The following INO80D variants were observed in gnomAD, a reference collection of about 807,000 sequenced individuals.
INO80D encodes the protein INO80 complex subunit D.
Under a neutral mutation model 87.6 loss-of-function variants are expected in INO80D, and 21 were observed. The ratio of observed to expected loss-of-function variants is 0.24; its 90% confidence interval spans 0.17 to 0.35. The LOEUF (loss-of-function observed/expected upper bound fraction) is 0.35, where lower values mean the gene tolerates loss of function less well. Among genes scored for constraint, INO80D ranks in the 10% least tolerant of loss-of-function variants. The pLI is 1.00. For synonymous variants in INO80D, 440 were observed against 491.0 expected (o/e 0.90, Z 1.37); for missense variants, 982 against 1,280.7 (o/e 0.77, Z 3.56).
At chr2:206,074,171 G>A (rs543782012) in intron 1 of INO80D, among the ~76,000 whole-genome samples, 20 of 152,238 alleles carry the variant, frequency 1.3e-4, no homozygotes, top group African/African-American at 4.8e-4. Context: ...GAGAATGCAG[G>A]TAATTAAAGC....
intron 1 of INO80D, chr2:206,063,687 G>A (rs1037435621): frequency 6.6e-6 from 1 of 152,116 alleles, no homozygotes; most frequent in African/African-American, 2.4e-5. Flanking sequence ...GTGAAGATCT[G>A]TCTCAAAAAC....
At chr2:206,082,605 C>T (rs1485638183) in intron 1 of INO80D, among the ~76,000 whole-genome samples, 1 of 152,182 alleles carries the variant, frequency 6.6e-6, no homozygotes, top group Non-Finnish European at 1.5e-5. Flanking sequence ...GGACAATTTG[C>T]TGCCTCCAAC....
intron 6 of INO80D, among the ~76,000 whole-genome samples, chr2:206,027,175 CACAG>C (rs755018444): frequency 5.9e-5 from 9 of 151,922 alleles, no homozygotes; most frequent in Non-Finnish European, 1.0e-4. Flanking sequence ...CACACACACA[CACAG>C]AGAAAGACTA....
rs546877484 is a variant in INO80D at position 206,044,086 on chromosome 2, G to T, written c.1073+2418C>A. Among the ~76,000 whole-genome samples, 76 of 152,146 alleles carry T rather than the reference G, an allele frequency of 5.0e-4. 1 individual carries two copies. The highest frequency in any genetic ancestry group is 1.6e-3 in the African/African-American group (67 of 41,524). ...TGCACACCTGTAGTTCCAGCTACTC[G>T]GGAGGCTGTGGCAGGAGGATTGTTT... On this transcript the variant is annotated intron_variant, in intron 5 of 10. Transcript: ENST00000403263.
At chr2:206,084,618 GA>G (rs1472453099) in intron 1 of INO80D, 1 of 152,356 alleles carries the variant, frequency 6.6e-6, no homozygotes, top group Non-Finnish European at 1.5e-5. Flanking sequence ...TACATCTGGG[GA>G]CTGCTCCAGA....
chr2:206,042,870 GC>G (rs1029878529), intron 5 of INO80D, among the ~76,000 whole-genome samples: 1 of 152,094 alleles, frequency 6.6e-6, no homozygotes, highest in African/African-American at 2.4e-5. Flanking sequence ...TACTCAGGAG[GC>G]TGAGGCAGGA....
At chr2:206,065,085 T>C (rs758833526) in intron 1 of INO80D, among the ~76,000 whole-genome samples, 5 of 152,050 alleles carry the variant, frequency 3.3e-5, no homozygotes, top group Non-Finnish European at 7.4e-5. Flanking sequence ...TTAAAATGGA[T>C]CAAAGACCTA....
intron 6 of INO80D, among the ~76,000 whole-genome samples, chr2:206,021,180 T>G (rs1688454034): frequency 6.6e-6 from 1 of 152,122 alleles, no homozygotes; most frequent in African/African-American, 2.4e-5. Context: ...AAACAAAAAA[T>G]CTTTTGAGTT....
At chr2:206,083,009 T>C (rs907188145) in intron 1 of INO80D, among the ~76,000 whole-genome samples, 3 of 152,220 alleles carry the variant, frequency 2.0e-5, no homozygotes, top group African/African-American at 7.2e-5. Flanking sequence ...ATACTAACCA[T>C]TTACTTTTTA....
intron 5 of INO80D, among the ~76,000 whole-genome samples, chr2:206,034,132 G>A (rs1421801134): frequency 3.3e-5 from 5 of 152,210 alleles, no homozygotes; most frequent in African/African-American, 1.2e-4. Flanking sequence ...AATCAGTCCA[G>A]GATCAGACTT....
At chr2:206,050,937 A>C (rs1292648428) in intron 4 of INO80D, among the ~76,000 whole-genome samples, 8 of 151,348 alleles carry the variant, frequency 5.3e-5, no homozygotes, top group Admixed American at 3.3e-4. Context: ...CCACTGCACT[A>C]CAGCCCGGGT....
intron 6 of INO80D, among the ~76,000 whole-genome samples, chr2:206,026,119 G>A (rs752337305): frequency 3.3e-5 from 5 of 151,964 alleles, no homozygotes; most frequent in Non-Finnish European, 5.9e-5. Context: ...GGCTAATCTC[G>A]AATTCGTGAC....
At chr2:206,009,321 GTTTT>G (rs1410981883) in intron 9 of INO80D, among the ~76,000 whole-genome samples, 1 of 148,884 alleles carries the variant, frequency 6.7e-6, no homozygotes, top group Non-Finnish European at 1.5e-5. Flanking sequence ...AAAAAAAAAT[GTTTT>G]TTAAGTTGAG....
chr2:206,044,034 A>G (rs1689129368), intron 5 of INO80D, among the ~76,000 whole-genome samples: 1 of 152,000 alleles, frequency 6.6e-6, no homozygotes, highest in Non-Finnish European at 1.5e-5. Flanking sequence ...CTCTACAAAA[A>G]ACTTAAAAAT....
chr2:206,068,524 G>A (rs1689879094), intron 1 of INO80D, among the ~76,000 whole-genome samples: 1 of 152,046 alleles, frequency 6.6e-6, no homozygotes, highest in Admixed American at 6.6e-5. Context: ...TTTACATACT[G>A]TCCATGCCTA....
intron 3 of INO80D, among the ~76,000 whole-genome samples, chr2:206,059,485 A>T (rs1689626761): frequency 6.6e-6 from 1 of 152,224 alleles, no homozygotes; most frequent in Non-Finnish European, 1.5e-5. Context: ...GAGGTAAAAA[A>T]TGTCAATCCT....
At chr2:206,021,278 T>A (rs1285967085) in intron 6 of INO80D, among the ~76,000 whole-genome samples, 1 of 152,198 alleles carries the variant, frequency 6.6e-6, no homozygotes, top group African/African-American at 2.4e-5. Flanking sequence ...TACATATGAA[T>A]TTACACAAAA....
chr2:206,046,581 T>G lies in INO80D; in HGVS notation c.996A>C (p.Glu332Asp). ...GLDWSEESGEEPEDSEQASPY... is the reference protein window; with the variant it reads ...GLDWSEESGEDPEDSEQASPY... ...GCGAGGCCTGCTCTGAGTCCTCTGG[T>G]TCCTCTCCGCTCTCTTCAGACCAGT... Residue 332 changes from glutamate (E) to aspartate (D), a missense_variant, in exon 5 of 11, where the codon GAA (glutamate) becomes GAC (aspartate). Coordinates refer to ENST00000403263, the MANE Select transcript of INO80D (RefSeq NM_017759.5). 11 of 1,613,894 alleles carry G rather than the reference T, an allele frequency of 6.8e-6. No homozygotes were observed. Among genetic ancestry groups the G allele is most frequent in the Non-Finnish European group, 9.3e-6 (11 of 1,179,778 alleles).
chr2:206,005,600 A>C, intron 10 of INO80D, 67 bp from the exon 11 acceptor site: 1 of 1,186,362 alleles, frequency 8.4e-7, no homozygotes, highest in Non-Finnish European at 1.2e-6. Flanking sequence ...AAAATCACAC[A>C]TTTGAATTAT....
Sources: allele counts gnomAD v4.1 joint callset (sites outside exome capture counted in the v4.1 genomes callset), GRCh38; gene constraint gnomAD v4.1.1; transcripts MANE v1.5; gene names NCBI Gene and HGNC (gene_info 2026-07-23, HGNC 2026-07-21).